AXDND1: variants seen among roughly 807,000 people sequenced by gnomAD.
AXDND1 encodes axonemal dynein light chain domain-containing protein 1.
AXDND1 carries 110 observed loss-of-function variants against 137.5 expected under a neutral mutation model. The observed-to-expected ratio is 0.80, with a 90% confidence interval of 0.69 to 0.94. The LOEUF (loss-of-function observed/expected upper bound fraction) is 0.94. Ranked by LOEUF, AXDND1 falls within the 40% of genes least tolerant of loss-of-function variation. The probability of loss-of-function intolerance (pLI) is 0.00; values close to 1 mark genes in which losing one functional copy is unlikely to be tolerated. For synonymous variants in AXDND1, 414 were observed against 399.7 expected (o/e 1.04, Z -0.43); for missense variants, 1,191 against 1,169.8 (o/e 1.02, Z -0.26).
At chr1:179,500,551 C>T (rs946551508) in intron 20 of AXDND1, among the ~76,000 whole-genome samples, 40 of 152,238 alleles carry the variant, frequency 2.6e-4, no homozygotes, top group African/African-American at 9.4e-4. Context: ...GTGGAAGATA[C>T]ACCATGTTCA....
At chr1:179,446,221 G>T (rs1659710491) in intron 16 of AXDND1, among the ~76,000 whole-genome samples, 1 of 151,978 alleles carries the variant, frequency 6.6e-6, no homozygotes, top group South Asian at 2.1e-4. Context: ...AGAAAGAAAA[G>T]CCATTTTCTA....
intron 16 of AXDND1, among the ~76,000 whole-genome samples, chr1:179,464,069 C>T (rs941530805): frequency 2.0e-5 from 3 of 152,110 alleles, no homozygotes; most frequent in Admixed American, 6.6e-5. Flanking sequence ...GACTCTTTAT[C>T]CAATTTGCCA....
chr1:179,453,465 A>G (rs1005469004), intron 16 of AXDND1: 1 of 152,444 alleles, frequency 6.6e-6, no homozygotes, highest in Non-Finnish European at 1.5e-5. Context: ...CATGACCTGG[A>G]TGTGACACGT....
chr1:179,377,336 G>A (rs755604079), intron 4 of AXDND1, among the ~76,000 whole-genome samples: 1 of 152,158 alleles, frequency 6.6e-6, no homozygotes. Flanking sequence ...TTCTTAGCTC[G>A]CAGTGCCAGG....
At chr1:179,400,600 T>TAAAAAA (rs71111986) in intron 11 of AXDND1, among the ~76,000 whole-genome samples, 3,006 of 138,188 alleles carry the variant, frequency 0.022, 111 homozygotes, top group African/African-American at 0.077. Flanking sequence ...AGGGAAGAAA[T>TAAAAAA]AAAAAAAAAA....
At chr1:179,496,276 T>C (rs1248981586) in intron 20 of AXDND1, among the ~76,000 whole-genome samples, 1 of 152,050 alleles carries the variant, frequency 6.6e-6, no homozygotes, top group African/African-American at 2.4e-5. Context: ...ATAATATGTG[T>C]AGAATTGTTT....
At chr1:179,389,938 A>G (rs12726875) in intron 9 of AXDND1, among the ~76,000 whole-genome samples, 44,254 of 151,974 alleles carry the variant, frequency 0.29, 6,646 homozygotes, top group Non-Finnish European at 0.31. Flanking sequence ...TCTGTCAATG[A>G]ATGAAAGATT....
At chr1:179,419,650 G>A (rs1410136369) in intron 12 of AXDND1, among the ~76,000 whole-genome samples, 38 of 63,410 alleles carry the variant, frequency 6.0e-4, no homozygotes, top group Non-Finnish European at 9.0e-4. Context: ...AGGGAGAGGG[G>A]GAGGGGGAGG....
At chr1:179,552,483 G>T in intron 25 of AXDND1, 1 of 772,154 alleles carries the variant, frequency 1.3e-6, no homozygotes, top group Non-Finnish European at 2.3e-6. Context: ...AGAGTTGTAA[G>T]GGCCCAAGAC....
intron 15 of AXDND1, among the ~76,000 whole-genome samples, chr1:179,436,927 T>A (rs1367032108): frequency 6.6e-6 from 1 of 151,986 alleles, no homozygotes. Context: ...CTTCTTTGAA[T>A]ATATATTTGC....
At chr1:179,539,282 T>A (rs760857480) in intron 25 of AXDND1, among the ~76,000 whole-genome samples, 2 of 152,218 alleles carry the variant, frequency 1.3e-5, no homozygotes, top group Non-Finnish European at 2.9e-5. Flanking sequence ...TTCTTCATAG[T>A]GTCGATGGTC....
intron 2 of AXDND1, among the ~76,000 whole-genome samples, chr1:179,366,882 G>A (rs765916059): frequency 1.8e-4 from 27 of 152,048 alleles, no homozygotes; most frequent in African/African-American, 5.1e-4. Context: ...CAATAGTTAC[G>A]TATTTTTTGG....
At chr1:179,393,848 A>G in intron 9 of AXDND1, 55 bp from the exon 10 acceptor site, 1 of 1,479,998 alleles carries the variant, frequency 6.8e-7, no homozygotes. Flanking sequence ...GTAACCTGAG[A>G]ATTTACTAAA....
intron 17 of AXDND1, among the ~76,000 whole-genome samples, chr1:179,481,694 G>A (rs559895349): frequency 6.6e-6 from 1 of 152,286 alleles, no homozygotes; most frequent in South Asian, 2.1e-4. Flanking sequence ...GTGTGAGGTG[G>A]TATCTCATTG....
intron 4 of AXDND1, among the ~76,000 whole-genome samples, chr1:179,371,028 G>A (rs186649410): frequency 1.9e-3 from 293 of 152,242 alleles, no homozygotes; most frequent in African/African-American, 6.7e-3. Context: ...CTATGCCTCC[G>A]GATCATGGTT....
intron 18 of AXDND1, among the ~76,000 whole-genome samples, chr1:179,485,603 C>A (rs1326872406): frequency 6.6e-6 from 1 of 152,160 alleles, no homozygotes; most frequent in Non-Finnish European, 1.5e-5. Context: ...AAAGAGCCAG[C>A]ACAAGAACTC....
intron 8 of AXDND1, among the ~76,000 whole-genome samples, chr1:179,383,770 GA>G (rs1163566002): frequency 6.6e-6 from 1 of 152,176 alleles, no homozygotes; most frequent in Non-Finnish European, 1.5e-5. Context: ...AAAGTGCTTA[GA>G]ACAGTTCTTG....
Position 179,525,357 on chromosome 1 carries a change from G to C in AXDND1, c.2520G>C (p.Glu840Asp). The C allele has an allele frequency of 6.2e-7, 1 of 1,611,648 alleles. No individual in the cohort carries two copies. The highest frequency in any genetic ancestry group is 8.5e-7 in the Non-Finnish European group (1 of 1,178,518). ...LEEEAVKEFI[E>D]PEIDESFKED... ...AGGAGGCTGTAAAAGAATTCATTGAGCCTGAAATAGACGAGTCTTTTAAAG... is the reference window on the plus strand; with the variant it reads ...AGGAGGCTGTAAAAGAATTCATTGACCCTGAAATAGACGAGTCTTTTAAAG... Residue 840 changes from glutamate to aspartate, a missense_variant, in exon 22 of 26, where the codon GAG becomes GAC. Coordinates refer to ENST00000367618, the MANE Select transcript of AXDND1 (RefSeq NM_144696.6).
Position 179,483,914 on chromosome 1 carries a change from A to G in AXDND1, c.2091+693A>G, listed in dbSNP as rs146028302. Among the ~76,000 whole-genome samples the G allele has an allele frequency of 4.4e-4, 67 of 152,304 alleles. No homozygotes were observed. In the East Asian group the frequency reaches 0.013, roughly 29 times the overall value. On this transcript the variant is annotated intron_variant, in intron 18 of 25. Transcript: ENST00000367618. ...ATATAGGAGACAAGATGGCTGACTA[A>G]ATTCAGCCAGGAGAAACATCTGCCA...
Sources: allele counts gnomAD v4.1 joint callset (sites outside exome capture counted in the v4.1 genomes callset), GRCh38; gene constraint gnomAD v4.1.1; transcripts MANE v1.5; gene names NCBI Gene and HGNC (gene_info 2026-07-23, HGNC 2026-07-21).